PROM1: variants seen among roughly 807,000 people sequenced by gnomAD.
The protein encoded by PROM1 is prominin 1, also known as prominin-1.
In PROM1, 105 loss-of-function variants were observed where a neutral mutation model predicts 116.9. The ratio of observed to expected loss-of-function variants is 0.90; its 90% CI spans 0.77 to 1.06. The LOEUF (loss-of-function observed/expected upper bound fraction) is 1.06, where lower values mean the gene tolerates loss of function less well. PROM1 is among the 50% of genes least tolerant of loss of function. PROM1 has a pLI of 0.00. For missense variants in PROM1, 1,122 were observed against 1,045.2 expected, an observed-to-expected ratio of 1.07 and a Z score of -1.01; for synonymous variants, 393 against 387.0, an observed-to-expected ratio of 1.02 and a Z score of -0.18.
At chr4:16,073,068 A>T (rs1743160178) in intron 2 of PROM1, among the ~76,000 whole-genome samples, 1 of 152,178 alleles carries the variant, frequency 6.6e-6, no homozygotes, top group African/African-American at 2.4e-5. Flanking sequence ...ATAAAACTCC[A>T]GCCTCCCATT....
At chr4:16,078,514 G>A (rs1425896639) in intron 1 of PROM1, among the ~76,000 whole-genome samples, 1 of 152,206 alleles carries the variant, frequency 6.6e-6, no homozygotes, top group Admixed American at 6.5e-5. Context: ...GCGGTTTCAT[G>A]AGACTAGGCA....
Position 15,992,263 on chromosome 4 carries a change from G to A in PROM1, c.1896C>T (p.Asp632=), listed in dbSNP as rs1721249388. 3 of 1,613,758 alleles carry A rather than the reference G, an allele frequency of 1.9e-6. No homozygotes were observed. The African/African-American group carries it at 4.0e-5, about 22-fold the overall frequency. The change falls in exon 17 of 28, where the codon GAC becomes GAT. Residue 632 remains aspartate (D), a synonymous_variant. Transcript: ENST00000447510. ...AACGIDRMNY[D]SYLAQTGKSP... The stretch of plus-strand genomic sequence containing the variant: ...TGCGCCATACCTGAGCCAAGTAGCT[G>A]TCATAATTCATTCTGTCTATTCCAC...
At chr4:16,025,471 C>T (rs530265544) in intron 5 of PROM1, among the ~76,000 whole-genome samples, 159 bp from the exon 6 acceptor site, 31 of 152,322 alleles carry the variant, frequency 2.0e-4, no homozygotes, top group Non-Finnish European at 8.8e-5. Flanking sequence ...CCACCGCCAT[C>T]CCACAGTCAA....
chr4:16,075,149 G>T (rs550832800), intron 2 of PROM1, among the ~76,000 whole-genome samples: 7 of 152,296 alleles, frequency 4.6e-5, no homozygotes, highest in African/African-American at 1.7e-4. Context: ...GACAGTTCTG[G>T]AAAGTGCCAA....
intron 13 of PROM1, among the ~76,000 whole-genome samples, chr4:16,004,963 CTTTTTTTTT>C (rs144360637): frequency 1.2e-5 from 1 of 83,158 alleles, no homozygotes; most frequent in Non-Finnish European, 2.3e-5. Context: ...CTCGCTCTCT[CTTTTTTTTT>C]TTTTTTTTTG....
At chr4:16,028,451 A>G (rs112010584) in intron 5 of PROM1, among the ~76,000 whole-genome samples, 12 of 152,330 alleles carry the variant, frequency 7.9e-5, no homozygotes, top group African/African-American at 2.6e-4. Flanking sequence ...CTGGATTCTT[A>G]TGTGAAATAT....
chr4:16,051,096 T>C lies in PROM1; in HGVS notation c.221-12095A>G, dbSNP rs184488347. Among the ~76,000 whole-genome samples the C allele has an allele frequency of 5.0e-4, 76 of 152,336 alleles. 1 individual carries two copies. The highest frequency in any genetic ancestry group is 1.8e-3 in the African/African-American group (75 of 41,574). On this transcript the variant is annotated intron_variant, in intron 2 of 27. Coordinates refer to ENST00000447510, the MANE Select transcript of PROM1 (RefSeq NM_006017.3). The stretch of plus-strand genomic sequence containing the variant: ...TAAAGACTTACTAGAGCAGATAATA[T>C]GTGAGCTGCGTCTTAAAAGAAGAGT...
rs371416551 is a variant in PROM1 at position 16,000,515 on chromosome 4, G to A, written c.1559C>T (p.Thr520Met). The part of the protein sequence containing the change: ...NVEKLICEPY[T>M]SKELFRVLDT... Reference sequence around the variant, plus strand: ...ATTTACCCGGAATAATTCCTTGCTCGTGTAAGGTTCACAGATCAGTTTTTC... The same window carrying A: ...ATTTACCCGGAATAATTCCTTGCTCATGTAAGGTTCACAGATCAGTTTTTC... Residue 520 changes from threonine to methionine, a missense_variant, in exon 14 of 28, where the codon ACG (threonine) becomes ATG (methionine). Physicochemically the swap from Thr to Met is moderately conservative, Grantham distance 81 (BLOSUM62 -1). Coordinates refer to ENST00000447510, the MANE Select transcript of PROM1 (RefSeq NM_006017.3). The A allele has an allele frequency of 4.8e-5, 77 of 1,592,948 alleles. No individual in the cohort carries two copies. Among genetic ancestry groups the A allele is most frequent in the African/African-American group, 3.0e-4 (22 of 74,508 alleles).
chr4:15,999,568 T>C (rs1415872789), intron 14 of PROM1, among the ~76,000 whole-genome samples: 1 of 152,072 alleles, frequency 6.6e-6, no homozygotes, highest in Non-Finnish European at 1.5e-5. Flanking sequence ...GAAGTAGAAA[T>C]GGTTTTGAAA....
chr4:15,981,664 C>CA (rs1717999723), intron 23 of PROM1, among the ~76,000 whole-genome samples: 1 of 152,052 alleles, frequency 6.6e-6, no homozygotes, highest in African/African-American at 2.4e-5. Context: ...CATTCCATGA[C>CA]ATTACTGTGT....
chr4:15,992,257 G>C lies in PROM1; in HGVS notation c.1902C>G (p.Tyr634Ter). 4.3e-6 allele frequency: 7 copies of C among 1,613,866 alleles called. No individual in the cohort carries two copies. Among genetic ancestry groups the C allele is most frequent in the Non-Finnish European group, 5.9e-6 (7 of 1,179,850 alleles). Residue 634 changes from tyrosine to a stop codon, truncating the protein, a stop_gained, in exon 17 of 28, where the codon TAC becomes TAG. Transcript: ENST00000447510. LOFTEE classifies it high-confidence loss of function. ...CGIDRMNYDS[Y>*]LAQTGKSPAG... ...AACACATGCGCCATACCTGAGCCAA[G>C]TAGCTGTCATAATTCATTCTGTCTA... is the stretch of plus-strand genomic sequence containing the variant.
At chr4:16,028,004 C>T (rs1191004297) in intron 5 of PROM1, among the ~76,000 whole-genome samples, 15 of 152,060 alleles carry the variant, frequency 9.9e-5, no homozygotes, top group Admixed American at 9.8e-4. Flanking sequence ...AAAATTAAAG[C>T]ATTGATAATT....
At chr4:15,983,828 G>T (rs938015370) in intron 23 of PROM1, among the ~76,000 whole-genome samples, 2 of 152,218 alleles carry the variant, frequency 1.3e-5, no homozygotes, top group African/African-American at 4.8e-5. Flanking sequence ...ATCTGTTGAG[G>T]AGGGAACAGA....
In PROM1 at chr4:15,991,145, A is replaced by G. The variant is rs1720878094; in HGVS notation, c.1983+77T>C. 4.9e-6 allele frequency: 6 copies of G among 1,215,146 alleles called. No homozygotes were observed. In the Admixed American group the frequency reaches 1.3e-4, roughly 27 times the overall value. The allele number at this position is 1,215,146 out of a possible 1,614,324, so 75.3% of individuals were successfully genotyped here. A position where few individuals can be genotyped will look rare whatever the true frequency, so the allele number is the denominator to read the frequency against. ...TACTCACAGTGTGAGGAACCTCTCC[A>G]GCAGCTTCCCTAAGAATGGTACTGA... is the stretch of plus-strand genomic sequence containing the variant. On this transcript the variant is annotated intron_variant, in intron 18 of 27. Coordinates refer to ENST00000447510, the MANE Select transcript of PROM1 (RefSeq NM_006017.3).
intron 4 of PROM1, among the ~76,000 whole-genome samples, chr4:16,034,644 T>C (rs1230841716): frequency 2.0e-5 from 3 of 152,166 alleles, no homozygotes. Flanking sequence ...TTCCAATTCA[T>C]GCATGTAGCT....
intron 2 of PROM1, among the ~76,000 whole-genome samples, chr4:16,044,408 C>T (rs2149438785): frequency 6.6e-6 from 1 of 152,308 alleles, no homozygotes; most frequent in South Asian, 2.1e-4. Context: ...GTCTGTAAGT[C>T]AGCTTGCTTG....
intron 23 of PROM1, among the ~76,000 whole-genome samples, chr4:15,982,497 T>C (rs1343991579): frequency 6.6e-6 from 1 of 152,226 alleles, no homozygotes; most frequent in Non-Finnish European, 1.5e-5. Context: ...ATAAACATGT[T>C]AGCTAGCCCA....
intron 2 of PROM1, among the ~76,000 whole-genome samples, chr4:16,057,868 C>A (rs922375125): frequency 6.6e-6 from 1 of 152,178 alleles, no homozygotes; most frequent in African/African-American, 2.4e-5. Flanking sequence ...TGCTCTCTGA[C>A]TGATGGTTCC....
intron 2 of PROM1, among the ~76,000 whole-genome samples, chr4:16,060,779 T>C (rs753857835): frequency 5.3e-5 from 8 of 152,206 alleles, no homozygotes; most frequent in Admixed American, 1.3e-4. Flanking sequence ...GATATTTGCG[T>C]TTTTCCCAAC....
Sources: gnomAD v4.1 joint callset for allele counts (sites outside exome capture counted in the v4.1 genomes callset) on GRCh38, gnomAD v4.1.1 for gene constraint, MANE v1.5 for transcripts, NCBI Gene and HGNC (gene_info 2026-07-23, HGNC 2026-07-21) for gene names.